The following MAP3K10 variants were observed in gnomAD, a reference collection of about 807,000 sequenced individuals.
The protein encoded by MAP3K10 is mitogen-activated protein kinase kinase kinase 10.
In MAP3K10, 22 loss-of-function variants were observed where a neutral mutation model predicts 75.0. The ratio of observed to expected loss-of-function variants is 0.29; its 90% CI spans 0.21 to 0.42. MAP3K10 has a LOEUF of 0.42. MAP3K10 is among the 10% of genes least tolerant of loss of function. The pLI, the probability that MAP3K10 is intolerant of heterozygous loss-of-function variation, is 1.00. For missense variants in MAP3K10, 1,165 were observed against 1,379.8 expected (o/e 0.84, Z 2.47); for synonymous variants, 599 against 612.9 (o/e 0.98, Z 0.34).
At chr19:40,199,256 C>G (rs1361399287) in intron 2 of MAP3K10, among the ~76,000 whole-genome samples, 1 of 152,158 alleles carries the variant, frequency 6.6e-6, no homozygotes, top group Non-Finnish European at 1.5e-5. Flanking sequence ...CATGCAATCC[C>G]TGCCCTCAGG....
Position 40,205,371 on chromosome 19 carries a change from C to A in MAP3K10, c.1188+75C>A. The A allele has an allele frequency of 6.6e-7, 1 of 1,504,586 alleles. No homozygotes were observed. The allele number at this position is 1,504,586 out of a possible 1,614,324, so 93.2% of individuals were successfully genotyped here. Reference sequence around the variant, plus strand: ...TGATGCCTTGGGCTGCTCAGAGACTCCTCCCCTGAACCCCAGCCTTTGGGT... The same window carrying A: ...TGATGCCTTGGGCTGCTCAGAGACTACTCCCCTGAACCCCAGCCTTTGGGT... On this transcript the variant is annotated intron_variant, in intron 4 of 9. Transcript: ENST00000253055. The surrounding 1 kb of genome is among the most constrained non-coding windows in gnomAD (Gnocchi z 4.3).
chr19:40,205,989 G>A lies in MAP3K10; in HGVS notation c.1267G>A (p.Glu423Lys), dbSNP rs1380746038. Residue 423 changes from glutamate (E) to lysine (K), a missense_variant, in exon 5 of 10, where the codon GAG (glutamate) becomes AAG (lysine). Transcript: ENST00000253055. This position sits in a 1 kb window ranked among gnomAD's most constrained non-coding sequence, Gnocchi z 4.3. ...CCAGGAGGAGCAGCTGCGGCGGCGG[G>A]AGCAGGAGCTGGCAGAACGTGAGAT... ...RFQEEQLRRREQELAEREMDI... is the reference protein window; with the variant it reads ...RFQEEQLRRRKQELAEREMDI... 1 of 1,611,748 alleles carries A rather than the reference G, an allele frequency of 6.2e-7. No individual in the cohort carries two copies. The highest frequency in any genetic ancestry group is 1.3e-5 in the African/African-American group (1 of 75,016).
chr19:40,198,815 C>A lies in MAP3K10; in HGVS notation c.863+260C>A, dbSNP rs1972964528. On this transcript the variant is annotated intron_variant, in intron 2 of 9. Coordinates refer to ENST00000253055, the MANE Select transcript of MAP3K10 (RefSeq NM_002446.4). This position sits in a 1 kb window ranked among gnomAD's most constrained non-coding sequence, Gnocchi z 4.3. Reference sequence around the variant, plus strand: ...GGGCGCGGGGGCGCACACCTGTAATCCCAGCACTTTGGGAGGCCGAGGTGG... The same window carrying A: ...GGGCGCGGGGGCGCACACCTGTAATACCAGCACTTTGGGAGGCCGAGGTGG... 6.6e-6 allele frequency among the ~76,000 whole-genome samples: 1 copy of A among 152,248 alleles called. No homozygotes were observed.
At position 40,213,488 on chromosome 19, in the gene MAP3K10, AGCGGAGTGATG is replaced by A; in HGVS notation, c.1838-26_1838-16del. On this transcript the variant is annotated intron_variant, in intron 8 of 9. Transcript: ENST00000253055. This position sits in a 1 kb window ranked among gnomAD's most constrained non-coding sequence, Gnocchi z 5.7. The stretch of plus-strand genomic sequence containing the variant: ...CCCGTGGGGCCCTGGCCAGCCCTGC[AGCGGAGTGATG>A]GCCCTCTCCGGTTGCAGAGGAGTTC... 6.2e-7 allele frequency: 1 copy of A among 1,607,790 alleles called. No individual in the cohort carries two copies. The highest frequency in any genetic ancestry group is 8.5e-7 in the Non-Finnish European group (1 of 1,178,682).
rs57347451 is a variant in MAP3K10 at position 40,211,317 on chromosome 19, CTT to C, written c.1553-1471_1553-1470del. On this transcript the variant is annotated intron_variant, in intron 6 of 9. Transcript: ENST00000253055. ...AGGATAAGAGTCTGGATTTTCCTTTCTTTTTTTTTTTTTTTTTTAATTTTCAT... is the reference window on the plus strand; with the variant it reads ...AGGATAAGAGTCTGGATTTTCCTTTCTTTTTTTTTTTTTTTTAATTTTCAT... Among the ~76,000 whole-genome samples the C allele has an allele frequency of 2.6e-3, 346 of 133,158 alleles. 1 individual carries two copies. The highest frequency in any genetic ancestry group is 4.0e-3 in the Middle Eastern group (1 of 248). The allele number at this position is 133,158 out of a possible 152,430, so 87.4% of individuals were successfully genotyped here.
chr19:40,206,295 C>T, intron 5 of MAP3K10, 138 bp downstream of exon 5: 1 of 1,064,840 alleles, frequency 9.4e-7, no homozygotes, highest in East Asian at 2.9e-5. Context: ...CAGCCCAGTG[C>T]AGTGGCGAGC....
At chr19:40,193,787 T>A (rs1031099843) in intron 1 of MAP3K10, among the ~76,000 whole-genome samples, 27 of 152,172 alleles carry the variant, frequency 1.8e-4, no homozygotes, top group Admixed American at 1.7e-3. Flanking sequence ...CCAGGCCAGA[T>A]CATGTGCTAA....
At chr19:40,209,307 G>A (rs189819082) in intron 6 of MAP3K10, 88 bp downstream of exon 6, 3 of 950,068 alleles carry the variant, frequency 3.2e-6, no homozygotes, top group Admixed American at 4.2e-5. Flanking sequence ...CCAAGCCAGA[G>A]TAACAGCAAG....
rs1973335184 is a variant in MAP3K10 at position 40,215,354 on chromosome 19, C to T, written c.*62C>T. 2 of 1,430,068 alleles carry T rather than the reference C, an allele frequency of 1.4e-6. No homozygotes were observed. The highest frequency in any genetic ancestry group is 1.9e-6 in the Non-Finnish European group (2 of 1,061,436). 88.6% of individuals were successfully genotyped at this position (1,430,068 alleles called of 1,614,324 possible). On this transcript the variant is annotated 3_prime_UTR_variant, in exon 10 of 10. Transcript: ENST00000253055. Reference sequence around the variant, plus strand: ...TGTAGCGCCCCAGGCCCTGCCCCAGCCCGCCATGCCACAAGGTGGGGGAGG... The same window carrying T: ...TGTAGCGCCCCAGGCCCTGCCCCAGTCCGCCATGCCACAAGGTGGGGGAGG...
In MAP3K10 at chr19:40,200,612, CTTTTTTTTTTT is replaced by C. The variant is rs71171548; in HGVS notation, c.863+2071_863+2081del. Among the ~76,000 whole-genome samples, 45 of 79,982 alleles carry C rather than the reference CTTTTTTTTTTT, an allele frequency of 5.6e-4. 1 individual carries two copies. Among genetic ancestry groups the C allele is most frequent in the Admixed American group, 1.6e-3 (9 of 5,736 alleles). The allele number at this position is 79,982 out of a possible 152,430, so 52.5% of individuals were successfully genotyped here. A position where few individuals can be genotyped will look rare whatever the true frequency, so the allele number is the denominator to read the frequency against. On this transcript the variant is annotated intron_variant, in intron 2 of 9. Coordinates refer to ENST00000253055, the MANE Select transcript of MAP3K10 (RefSeq NM_002446.4). The stretch of plus-strand genomic sequence containing the variant: ...TACATCAGGCGTTCATTTGTGCTAC[CTTTTTTTTTTT>C]TTTTTTTTTTTTTGGGACAGAGTCT...
intron 5 of MAP3K10, among the ~76,000 whole-genome samples, chr19:40,207,745 A>G (rs1973149669): frequency 6.6e-6 from 1 of 152,186 alleles, no homozygotes; most frequent in East Asian, 1.9e-4. Context: ...CAAAAAATAT[A>G]TATATTTTTT....
At chr19:40,209,058 T>C in intron 5 of MAP3K10, 45 bp from the exon 6 acceptor site, 1 of 1,397,702 alleles carries the variant, frequency 7.2e-7, no homozygotes, top group Non-Finnish European at 1.0e-6. Flanking sequence ...CCTTTGGTAA[T>C]CCCTGGAACC....
chr19:40,214,337 AGGAG>A, intron 9 of MAP3K10, 116 bp downstream of exon 9: 2 of 1,214,324 alleles, frequency 1.6e-6, no homozygotes, highest in Non-Finnish European at 2.1e-6. Context: ...CTTCTTGTGG[AGGAG>A]GGAGGGTCTG....
intron 5 of MAP3K10, among the ~76,000 whole-genome samples, chr19:40,208,396 C>T (rs1419917999): frequency 1.6e-5 from 2 of 124,936 alleles, no homozygotes; most frequent in Non-Finnish European, 3.3e-5. Context: ...CAGGGTTTCA[C>T]CGTGTTAGCC....
In MAP3K10 at chr19:40,192,435, C is replaced by T. The variant is rs748441956; in HGVS notation, c.404C>T (p.Pro135Leu). ...KAARLDPEKDPAVTAEQVCQE... is the reference protein window; with the variant it reads ...KAARLDPEKDLAVTAEQVCQE... ...GCCCGGCTGGACCCTGAGAAGGACC[C>T]GGCAGTGACAGCGGAGCAGGTGTGC... is the stretch of plus-strand genomic sequence containing the variant. Residue 135 changes from proline (P) to leucine (L), a missense_variant, in exon 1 of 10, where the codon CCG becomes CTG. Physicochemically the swap from Pro to Leu is moderately conservative, Grantham distance 98. Coordinates refer to ENST00000253055, the MANE Select transcript of MAP3K10 (RefSeq NM_002446.4). The surrounding 1 kb of genome is among the most constrained non-coding windows in gnomAD (Gnocchi z 7.1). The T allele has an allele frequency of 6.2e-7, 1 of 1,614,018 alleles. No homozygotes were observed. Among genetic ancestry groups the T allele is most frequent in the Non-Finnish European group, 8.5e-7 (1 of 1,179,980 alleles).
In MAP3K10 at chr19:40,205,507, A is replaced by G; in HGVS notation, c.1188+211A>G. 1.7e-6 allele frequency: 1 copy of G among 583,270 alleles called. No homozygotes were observed. The highest frequency in any genetic ancestry group is 3.0e-6 in the Non-Finnish European group (1 of 329,302). 36.1% of individuals were successfully genotyped at this position (583,270 alleles called of 1,614,324 possible). A position where few individuals can be genotyped will look rare whatever the true frequency, so the allele number is the denominator to read the frequency against. On this transcript the variant is annotated intron_variant, in intron 4 of 9. Coordinates refer to ENST00000253055, the MANE Select transcript of MAP3K10 (RefSeq NM_002446.4). This position sits in a 1 kb window ranked among gnomAD's most constrained non-coding sequence, Gnocchi z 4.3. ...CTGAAGTACTTACAGGTGACACTGC[A>G]TGATGTCTGGGGTTGGCTTTAAAAT...
In MAP3K10 at chr19:40,191,685, A is replaced by C; in HGVS notation, c.-347A>C. 5.4e-6 allele frequency: 1 copy of C among 185,454 alleles called. No individual in the cohort carries two copies. Among genetic ancestry groups the C allele is most frequent in the Non-Finnish European group, 1.1e-5 (1 of 91,178 alleles). The allele number at this position is 185,454 out of a possible 1,614,324, so 11.5% of individuals were successfully genotyped here. A position where few individuals can be genotyped will look rare whatever the true frequency, so the allele number is the denominator to read the frequency against. On this transcript the variant is annotated 5_prime_UTR_variant, in exon 1 of 10. Transcript: ENST00000253055. Reference sequence around the variant, plus strand: ...GGGGTGAGCGGCGCGGGGAACGGGGACTGCCTGCCGCCCTCGCCCTCGTCC... The same window carrying C: ...GGGGTGAGCGGCGCGGGGAACGGGGCCTGCCTGCCGCCCTCGCCCTCGTCC...
Position 40,213,905 on chromosome 19 carries a change from C to T in MAP3K10, c.2226C>T (p.Pro742=). The change falls in exon 9 of 10, where the codon CCC becomes CCT. Residue 742 remains proline, a synonymous_variant. Coordinates refer to ENST00000253055, the MANE Select transcript of MAP3K10 (RefSeq NM_002446.4). The surrounding 1 kb of genome is among the most constrained non-coding windows in gnomAD (Gnocchi z 5.7). ...TGGGCCCCGGCCTGGGCCTGGCGCC[C>T]TCGGCCACCCTCGTGTCGCTGTCGT... is the stretch of plus-strand genomic sequence containing the variant. ...EDVGPGLGLA[P]SATLVSLSSV... is the part of the protein sequence containing the mutation. 5 of 1,506,296 alleles carry T rather than the reference C, an allele frequency of 3.3e-6. No individual in the cohort carries two copies. The highest frequency in any genetic ancestry group is 4.4e-6 in the Non-Finnish European group (5 of 1,134,744). The allele number at this position is 1,506,296 out of a possible 1,614,324, so 93.3% of individuals were successfully genotyped here. A position where few individuals can be genotyped will look rare whatever the true frequency, so the allele number is the denominator to read the frequency against.
chr19:40,197,564 G>T (rs1423944190), intron 1 of MAP3K10, among the ~76,000 whole-genome samples: 1 of 152,120 alleles, frequency 6.6e-6, no homozygotes, highest in East Asian at 1.9e-4. Flanking sequence ...GACCTCAAGT[G>T]ATCCGCCTGC....
Sources: allele counts gnomAD v4.1 joint callset (sites outside exome capture counted in the v4.1 genomes callset), GRCh38; gene constraint gnomAD v4.1.1; non-coding constraint Gnocchi (gnomAD v3.1); transcripts MANE v1.5; gene names NCBI Gene and HGNC (gene_info 2026-07-23, HGNC 2026-07-21).